TMEM132D: variants seen among roughly 807,000 people sequenced by gnomAD.
TMEM132D encodes the protein transmembrane protein 132D.
Under a neutral mutation model 62.3 loss-of-function variants are expected in TMEM132D, and 21 were observed. The ratio of observed to expected loss-of-function variants is 0.34; its 90% CI spans 0.24 to 0.49. The LOEUF is 0.49. Among genes scored for constraint, TMEM132D ranks in the 20% least tolerant of loss-of-function variants. The pLI, the probability that TMEM132D is intolerant of heterozygous loss-of-function variation, is 0.99. For missense variants in TMEM132D, 1,346 were observed against 1,402.8 expected (o/e 0.96, Z 0.65); for synonymous variants, 621 against 575.6 (o/e 1.08, Z -1.13).
intron 1 of TMEM132D, among the ~76,000 whole-genome samples, chr12:129,767,273 A>G (rs7980362): frequency 0.95 from 144,156 of 152,282 alleles, 68,508 homozygotes; most frequent in Non-Finnish European, 1. Flanking sequence ...CTGTACATCT[A>G]TAATTAATAA....
At chr12:129,366,268 T>C (rs1870409701) in intron 3 of TMEM132D, among the ~76,000 whole-genome samples, 1 of 152,198 alleles carries the variant, frequency 6.6e-6, no homozygotes, top group Non-Finnish European at 1.5e-5. Flanking sequence ...GAGGTGGGTC[T>C]GGTGAGAGGT....
chr12:129,535,140 T>C (rs938481321), intron 2 of TMEM132D, among the ~76,000 whole-genome samples: 2 of 152,222 alleles, frequency 1.3e-5, no homozygotes, highest in African/African-American at 2.4e-5. Flanking sequence ...CTACTGTTTT[T>C]AATGTATAAC....
chr12:129,163,699 T>C (rs1393577568), intron 5 of TMEM132D, among the ~76,000 whole-genome samples: 3 of 152,160 alleles, frequency 2.0e-5, no homozygotes, highest in Admixed American at 2.0e-4. Flanking sequence ...GGCCTTGGGG[T>C]GTTAATGGCT....
chr12:129,365,034 A>G (rs1480181566), intron 3 of TMEM132D, among the ~76,000 whole-genome samples: 2 of 152,236 alleles, frequency 1.3e-5, no homozygotes, highest in Admixed American at 6.5e-5. Flanking sequence ...AGGCAATTCA[A>G]CTGCGTGCTT....
rs142743322 is a variant in TMEM132D at position 129,575,479 on chromosome 12, T to A, written c.969-44274A>T. 5.0e-3 allele frequency among the ~76,000 whole-genome samples: 754 copies of A among 151,920 alleles called. 24 individuals carry two copies. Among genetic ancestry groups the A allele is most frequent in the African/African-American group, 0.017 (713 of 41,248 alleles). ...ACTGCAATGGTCAAACCTGAAGTGATTACCGGGGCCGGTTGGTAAGGTAAA... is the reference window on the plus strand; with the variant it reads ...ACTGCAATGGTCAAACCTGAAGTGAATACCGGGGCCGGTTGGTAAGGTAAA... On this transcript the variant is annotated intron_variant, in intron 2 of 8. Transcript: ENST00000422113.
intron 4 of TMEM132D, among the ~76,000 whole-genome samples, chr12:129,224,323 A>G (rs1879424271): frequency 6.6e-6 from 1 of 152,140 alleles, no homozygotes; most frequent in Admixed American, 6.5e-5. Flanking sequence ...GTTCCGATGA[A>G]TATGTTCTCT....
rs577908777 is a variant in TMEM132D at position 129,222,077 on chromosome 12, G to A, written c.1300-12414C>T. 3.9e-5 allele frequency among the ~76,000 whole-genome samples: 6 copies of A among 152,216 alleles called. 1 individual carries two copies. The highest frequency in any genetic ancestry group is 1.3e-4 in the Admixed American group (2 of 15,284). On this transcript the variant is annotated intron_variant, in intron 4 of 8. Transcript: ENST00000422113. ...GGGTTTCGTGGCTGTGGTATGGTATGCAGAGGGATTGCATTTTGGCACTCA... is the reference window on the plus strand; with the variant it reads ...GGGTTTCGTGGCTGTGGTATGGTATACAGAGGGATTGCATTTTGGCACTCA...
chr12:129,736,002 G>A (rs894272919), intron 1 of TMEM132D, among the ~76,000 whole-genome samples: 1 of 152,140 alleles, frequency 6.6e-6, no homozygotes, highest in South Asian at 2.1e-4. Flanking sequence ...CCTAGGCCAC[G>A]GAACCTGGGC....
intron 5 of TMEM132D, among the ~76,000 whole-genome samples, chr12:129,179,864 C>T (rs966326164): frequency 1.3e-5 from 2 of 151,928 alleles, no homozygotes; most frequent in African/African-American, 4.8e-5. Flanking sequence ...TCCGTCTCTA[C>T]TAAAAATACA....
chr12:129,174,965 T>G (rs1253226701), intron 5 of TMEM132D, among the ~76,000 whole-genome samples: 2 of 152,390 alleles, frequency 1.3e-5, no homozygotes, highest in Admixed American at 1.3e-4. Flanking sequence ...TTGTAAATTC[T>G]GGATACTAGA....
chr12:129,322,451 T>C (rs887564616), intron 4 of TMEM132D, among the ~76,000 whole-genome samples: 1 of 152,194 alleles, frequency 6.6e-6, no homozygotes, highest in Non-Finnish European at 1.5e-5. Flanking sequence ...AGAGGCTGCA[T>C]GGTGTGAACC....
At chr12:129,115,783 C>G (rs1255063053) in intron 5 of TMEM132D, among the ~76,000 whole-genome samples, 1 of 152,154 alleles carries the variant, frequency 6.6e-6, no homozygotes, top group African/African-American at 2.4e-5. Context: ...ACTCATGGAT[C>G]TCACCTGGAT....
At chr12:129,763,744 G>C (rs548359064) in intron 1 of TMEM132D, among the ~76,000 whole-genome samples, 2 of 14,798 alleles carry the variant, frequency 1.4e-4, no homozygotes, top group South Asian at 1.6e-3. Context: ...CAGTCACCAT[G>C]GACCCCCAAG....
At chr12:129,585,294 C>A (rs959039502) in intron 2 of TMEM132D, among the ~76,000 whole-genome samples, 1 of 152,110 alleles carries the variant, frequency 6.6e-6, no homozygotes, top group Non-Finnish European at 1.5e-5. Context: ...GCCAAGGACG[C>A]CCACATTCTA....
At chr12:129,258,207 C>T (rs894896450) in intron 4 of TMEM132D, among the ~76,000 whole-genome samples, 1 of 152,102 alleles carries the variant, frequency 6.6e-6, no homozygotes, top group Non-Finnish European at 1.5e-5. Flanking sequence ...GGCTGGTTCC[C>T]ACTTCATTTA....
intron 4 of TMEM132D, among the ~76,000 whole-genome samples, chr12:129,323,654 G>T (rs1868794725): frequency 6.6e-6 from 1 of 152,172 alleles, no homozygotes; most frequent in African/African-American, 2.4e-5. Flanking sequence ...TTAAATCTTA[G>T]CTGAAGCCTA....
chr12:129,467,024 C>A (rs1285642735), intron 3 of TMEM132D, among the ~76,000 whole-genome samples: 2 of 152,176 alleles, frequency 1.3e-5, no homozygotes, highest in Non-Finnish European at 2.9e-5. Flanking sequence ...AGAGCTGAAT[C>A]TGTGATCTGA....
intron 5 of TMEM132D, among the ~76,000 whole-genome samples, chr12:129,187,773 A>G (rs1232887635): frequency 1.3e-5 from 2 of 152,214 alleles, no homozygotes; most frequent in Non-Finnish European, 2.9e-5. Flanking sequence ...GCAATCACAC[A>G]TTTCCACAAA....
At chr12:129,312,403 C>T (rs1191718339) in intron 4 of TMEM132D, among the ~76,000 whole-genome samples, 1 of 152,072 alleles carries the variant, frequency 6.6e-6, no homozygotes, top group Non-Finnish European at 1.5e-5. Context: ...GAATATTGGA[C>T]AGGCATGTGA....
Sources: allele counts gnomAD v4.1 joint callset (sites outside exome capture counted in the v4.1 genomes callset), GRCh38; gene constraint gnomAD v4.1.1; transcripts MANE v1.5; gene names NCBI Gene and HGNC (gene_info 2026-07-23, HGNC 2026-07-21).